The following CNTN5 variants were observed in gnomAD, a reference collection of about 807,000 sequenced individuals.
CNTN5 encodes contactin-5.
Under a neutral mutation model 129.1 loss-of-function variants are expected in CNTN5, and 77 were observed. That is an observed-to-expected ratio of 0.60 (90% CI 0.50 to 0.72). The LOEUF (loss-of-function observed/expected upper bound fraction) is 0.72. CNTN5 is among the 30% of genes least tolerant of loss of function. CNTN5 has a pLI of 0.00. For missense variants in CNTN5, 1,478 were observed against 1,328.8 expected (o/e 1.11, Z -1.75); for synonymous variants, 509 against 465.6 (o/e 1.09, Z -1.20).
chr11:99,663,397 G>C (rs549158571), intron 3 of CNTN5, among the ~76,000 whole-genome samples: 35 of 152,334 alleles, frequency 2.3e-4, no homozygotes, highest in Non-Finnish European at 4.7e-4. Flanking sequence ...GAACCTGGGA[G>C]ACAGAGGTTG....
At chr11:100,030,251 C>T (rs571191841) in intron 9 of CNTN5, among the ~76,000 whole-genome samples, 2 of 152,132 alleles carry the variant, frequency 1.3e-5, no homozygotes, top group South Asian at 2.1e-4. Context: ...TAGTGGAATG[C>T]ATCTGTAGTT....
intron 2 of CNTN5, among the ~76,000 whole-genome samples, chr11:99,343,292 TTAG>T (rs1277249038): frequency 2.6e-5 from 4 of 152,170 alleles, no homozygotes; most frequent in Non-Finnish European, 5.9e-5. Flanking sequence ...GGAAGATGGA[TTAG>T]AATAGGTATG....
intron 2 of CNTN5, among the ~76,000 whole-genome samples, chr11:99,382,667 G>T (rs1393108524): frequency 6.6e-6 from 1 of 151,838 alleles, no homozygotes; most frequent in Admixed American, 6.6e-5. Flanking sequence ...TGAGACTTAT[G>T]ACACAATCAG....
rs151303007 is a variant in CNTN5 at position 99,613,514 on chromosome 11, C to G, written c.55+57245C>G. On this transcript the variant is annotated intron_variant, in intron 3 of 24. Transcript: ENST00000524871. ...ATAGCAGCATGAAAATAGACTTATACAAAGGACATAGCAAAAAGTAAAGCG... is the reference window on the plus strand; with the variant it reads ...ATAGCAGCATGAAAATAGACTTATAGAAAGGACATAGCAAAAAGTAAAGCG... Among the ~76,000 whole-genome samples, 78 of 152,078 alleles carry G rather than the reference C, an allele frequency of 5.1e-4. No homozygotes were observed. In the East Asian group the frequency reaches 0.013, roughly 25 times the overall value.
chr11:99,230,518 G>A (rs1860937274), intron 1 of CNTN5, among the ~76,000 whole-genome samples: 1 of 152,130 alleles, frequency 6.6e-6, no homozygotes, highest in Non-Finnish European at 1.5e-5. Flanking sequence ...AAGAGCTTTA[G>A]GAAGAAGCAG....
chr11:99,321,540 G>A (rs1865569764), intron 1 of CNTN5, among the ~76,000 whole-genome samples: 1 of 152,108 alleles, frequency 6.6e-6, no homozygotes, highest in African/African-American at 2.4e-5. Flanking sequence ...TTGATAATAA[G>A]TATGGCCATC....
chr11:99,444,896 A>G (rs985715213), intron 2 of CNTN5, among the ~76,000 whole-genome samples: 3 of 151,820 alleles, frequency 2.0e-5, no homozygotes, highest in Non-Finnish European at 4.4e-5. Context: ...GAGAGTTAAT[A>G]CAGTTTTTGT....
At chr11:99,716,107 G>A (rs551206772) in intron 3 of CNTN5, among the ~76,000 whole-genome samples, 3 of 152,094 alleles carry the variant, frequency 2.0e-5, no homozygotes, top group African/African-American at 7.2e-5. Context: ...CAATTTGATA[G>A]TCTATTGTAA....
chr11:99,556,593 A>ATC (rs569302928), intron 3 of CNTN5, among the ~76,000 whole-genome samples: 35 of 135,330 alleles, frequency 2.6e-4, no homozygotes, highest in African/African-American at 7.1e-4. Context: ...ATATATATAT[A>ATC]TCTCCCACAC....
At chr11:100,041,933 C>T (rs1942400918) in intron 9 of CNTN5, among the ~76,000 whole-genome samples, 1 of 152,144 alleles carries the variant, frequency 6.6e-6, no homozygotes, top group Non-Finnish European at 1.5e-5. Flanking sequence ...ATCACACGTT[C>T]TGAGTCAAGA....
At chr11:100,287,438 G>C (rs1216081) in intron 18 of CNTN5, among the ~76,000 whole-genome samples, 2 of 150,730 alleles carry the variant, frequency 1.3e-5, no homozygotes, top group African/African-American at 4.9e-5. Context: ...CCAGAAGAGA[G>C]TGGGGGCCAA....
chr11:99,517,063 C>G (rs1947082056), intron 2 of CNTN5, among the ~76,000 whole-genome samples: 1 of 152,070 alleles, frequency 6.6e-6, no homozygotes, highest in African/African-American at 2.4e-5. Context: ...GTTACACACA[C>G]AGTTGAATTC....
At chr11:99,591,187 C>G (rs1949967937) in intron 3 of CNTN5, among the ~76,000 whole-genome samples, 1 of 152,006 alleles carries the variant, frequency 6.6e-6, no homozygotes, top group African/African-American at 2.4e-5. Flanking sequence ...TTTGATGGTT[C>G]TCTGGAGGGA....
intron 1 of CNTN5, among the ~76,000 whole-genome samples, chr11:99,048,165 A>C (rs1250873136): frequency 1.3e-5 from 2 of 152,132 alleles, no homozygotes; most frequent in African/African-American, 4.8e-5. Flanking sequence ...CAATGCACAA[A>C]GTCTTTAAAT....
intron 1 of CNTN5, among the ~76,000 whole-genome samples, chr11:99,300,872 T>A (rs1460718081): frequency 2.0e-5 from 3 of 151,950 alleles, no homozygotes; most frequent in Non-Finnish European, 4.4e-5. Context: ...TTCATCTTCC[T>A]GTCTATTCAA....
chr11:99,825,474 C>A (rs972583726), intron 4 of CNTN5, among the ~76,000 whole-genome samples: 5 of 152,020 alleles, frequency 3.3e-5, no homozygotes, highest in Non-Finnish European at 7.4e-5. Context: ...GTTTAAAAAT[C>A]AATACTTAAT....
intron 2 of CNTN5, among the ~76,000 whole-genome samples, chr11:99,369,217 A>AATATAT (rs3990844): frequency 1.5e-5 from 2 of 135,732 alleles, no homozygotes; most frequent in African/African-American, 5.3e-5. Flanking sequence ...TATTATATAT[A>AATATAT]ATATATATAT....
At chr11:99,890,485 G>A (rs1284204059) in intron 6 of CNTN5, among the ~76,000 whole-genome samples, 2 of 151,836 alleles carry the variant, frequency 1.3e-5, no homozygotes, top group East Asian at 1.9e-4. Context: ...ATGTACATAT[G>A]TATTCAATAA....
At chr11:100,104,180 C>T (rs1489041224) in intron 13 of CNTN5, among the ~76,000 whole-genome samples, 1 of 150,976 alleles carries the variant, frequency 6.6e-6, no homozygotes, top group Non-Finnish European at 1.5e-5. Flanking sequence ...CTGCAACTTC[C>T]GCCTCCCAGG....
Sources: gnomAD v4.1 joint callset for allele counts (sites outside exome capture counted in the v4.1 genomes callset) on GRCh38, gnomAD v4.1.1 for gene constraint, MANE v1.5 for transcripts, NCBI Gene and HGNC (gene_info 2026-07-23, HGNC 2026-07-21) for gene names.